The following CHRM3 variants were observed in gnomAD, a reference collection of about 807,000 sequenced individuals.
The protein encoded by CHRM3 is cholinergic receptor muscarinic 3, also known as muscarinic acetylcholine receptor M3.
A neutral mutation model predicts 41.8 loss-of-function variants in CHRM3; 11 were observed. That is an observed-to-expected ratio of 0.26 (90% CI 0.17 to 0.44). CHRM3 has a LOEUF of 0.44. CHRM3 is among the 20% of genes least tolerant of loss of function. The pLI is 1.00. For synonymous variants in CHRM3, 297 were observed against 301.4 expected (o/e 0.99, Z 0.15); for missense variants, 571 against 745.4 (o/e 0.77, Z 2.72).
chr1:239,824,899 A>G (rs1672331799), intron 5 of CHRM3, among the ~76,000 whole-genome samples: 1 of 152,234 alleles, frequency 6.6e-6, no homozygotes, highest in Admixed American at 6.5e-5. Flanking sequence ...AGCTATTCCA[A>G]TAAGGCCTGA....
intron 5 of CHRM3, among the ~76,000 whole-genome samples, chr1:239,795,055 A>T (rs1228664173): frequency 6.6e-6 from 1 of 152,190 alleles, no homozygotes; most frequent in South Asian, 2.1e-4. Context: ...ATATTGTAGT[A>T]TTGGTTATTC....
At chr1:239,532,646 A>T (rs867178984) in intron 2 of CHRM3, among the ~76,000 whole-genome samples, 1 of 151,316 alleles carries the variant, frequency 6.6e-6, no homozygotes, top group Admixed American at 6.6e-5. Flanking sequence ...AAAGATATGT[A>T]GGAGTTCCAC....
intron 3 of CHRM3, among the ~76,000 whole-genome samples, chr1:239,602,776 AT>A (rs1345610143): frequency 3.9e-5 from 6 of 152,262 alleles, no homozygotes; most frequent in East Asian, 1.9e-4. Flanking sequence ...ATTCTTTAAA[AT>A]TTTTTTAATT....
intron 1 of CHRM3, among the ~76,000 whole-genome samples, chr1:239,485,630 T>C (rs1333259253): frequency 1.3e-5 from 2 of 152,196 alleles, no homozygotes; most frequent in African/African-American, 4.8e-5. Context: ...TGAAATCTCC[T>C]GATCTTAAAG....
At chr1:239,643,487 C>G (rs941639532) in intron 4 of CHRM3, among the ~76,000 whole-genome samples, 4 of 152,192 alleles carry the variant, frequency 2.6e-5, no homozygotes, top group Non-Finnish European at 5.9e-5. Flanking sequence ...CGCCCCTCCC[C>G]CAGCCGCGCT....
intron 1 of CHRM3, among the ~76,000 whole-genome samples, chr1:239,447,942 C>T (rs774310443): frequency 2.0e-5 from 3 of 152,220 alleles, no homozygotes; most frequent in Non-Finnish European, 2.9e-5. Flanking sequence ...ATGTTAGATC[C>T]ATCCCAGCCA....
intron 5 of CHRM3, among the ~76,000 whole-genome samples, chr1:239,770,845 G>A (rs1667602610): frequency 6.6e-6 from 1 of 152,062 alleles, no homozygotes. Context: ...TCAGCACTTT[G>A]GGAGCCTGAA....
intron 6 of CHRM3, among the ~76,000 whole-genome samples, chr1:239,870,330 A>C (rs903851122): frequency 1.3e-5 from 2 of 152,164 alleles, no homozygotes; most frequent in African/African-American, 2.4e-5. Flanking sequence ...GATAAGTAGA[A>C]ATAACCCTTC....
chr1:239,598,902 G>A (rs186122157), intron 3 of CHRM3, among the ~76,000 whole-genome samples: 3 of 132,844 alleles, frequency 2.3e-5, no homozygotes, highest in Admixed American at 8.2e-5. Context: ...AGGCCACCAC[G>A]CATGGACGCT....
chr1:239,417,160 G>A (rs1661559594), intron 1 of CHRM3, among the ~76,000 whole-genome samples: 1 of 152,200 alleles, frequency 6.6e-6, no homozygotes, highest in African/African-American at 2.4e-5. Flanking sequence ...ATCCTTCTAA[G>A]ATGTGAAGAA....
At chr1:239,679,724 T>C (rs982082406) in intron 5 of CHRM3, among the ~76,000 whole-genome samples, 1 of 152,142 alleles carries the variant, frequency 6.6e-6, no homozygotes, top group African/African-American at 2.4e-5. Flanking sequence ...TTTATTTTAT[T>C]ATTTATTTTG....
chr1:239,745,963 G>C (rs1370941647), intron 5 of CHRM3, among the ~76,000 whole-genome samples: 2 of 151,966 alleles, frequency 1.3e-5, no homozygotes, highest in Admixed American at 1.3e-4. Context: ...TTTTACACAG[G>C]GCTGGACCCT....
intron 1 of CHRM3, among the ~76,000 whole-genome samples, chr1:239,483,315 T>C (rs536670521): frequency 5.3e-5 from 8 of 152,350 alleles, no homozygotes; most frequent in South Asian, 4.1e-4. Context: ...TAAGCTCTCA[T>C]TGGAATTCCA....
At chr1:239,406,448 T>C (rs564649807) in intron 1 of CHRM3, among the ~76,000 whole-genome samples, 1 of 152,290 alleles carries the variant, frequency 6.6e-6, no homozygotes, top group African/African-American at 2.4e-5. Flanking sequence ...CCATCAGCTA[T>C]AGGAGTCCAA....
At chr1:239,579,823 T>A (rs1188579653) in intron 3 of CHRM3, among the ~76,000 whole-genome samples, 2 of 152,306 alleles carry the variant, frequency 1.3e-5, no homozygotes, top group East Asian at 3.9e-4. Context: ...TTCATTCATC[T>A]TCACATACAC....
chr1:239,744,762 T>C (rs1665197908), intron 5 of CHRM3, among the ~76,000 whole-genome samples: 1 of 152,142 alleles, frequency 6.6e-6, no homozygotes, highest in Non-Finnish European at 1.5e-5. Context: ...CTGGAAGACA[T>C]CTGGGCTGGT....
chr1:239,562,514 T>C (rs1223960009), intron 3 of CHRM3, among the ~76,000 whole-genome samples: 2 of 152,116 alleles, frequency 1.3e-5, no homozygotes, highest in East Asian at 3.9e-4. Flanking sequence ...TTCCTGAGAC[T>C]TAATGGTAAA....
chr1:239,830,099 A>G (rs28726272), intron 6 of CHRM3, among the ~76,000 whole-genome samples: 7,704 of 118,680 alleles, frequency 0.065, 292 homozygotes, highest in African/African-American at 0.1. Flanking sequence ...TTAAAACATC[A>G]TGGATTTTCA....
intron 5 of CHRM3, among the ~76,000 whole-genome samples, chr1:239,753,614 A>G (rs1291290370): frequency 6.6e-6 from 1 of 152,142 alleles, no homozygotes; most frequent in Non-Finnish European, 1.5e-5. Context: ...TCCCTTCCCC[A>G]ACATTGGGAA....
Sources: gnomAD v4.1 joint callset for allele counts (sites outside exome capture counted in the v4.1 genomes callset) on GRCh38, gnomAD v4.1.1 for gene constraint, MANE v1.5 for transcripts, NCBI Gene and HGNC (gene_info 2026-07-23, HGNC 2026-07-21) for gene names.